The following IL1R1 variants were observed in gnomAD, a reference collection of about 807,000 sequenced individuals.
IL1R1 encodes the protein interleukin 1 receptor type 1, also known as interleukin-1 receptor type 1.
IL1R1 carries 22 observed loss-of-function variants against 50.2 expected under a neutral mutation model. The ratio of observed to expected loss-of-function variants is 0.44; its 90% confidence interval spans 0.31 to 0.63. The LOEUF (loss-of-function observed/expected upper bound fraction) is 0.63, where lower values mean the gene tolerates loss of function less well. Ranked by LOEUF, IL1R1 falls within the 20% of genes least tolerant of loss-of-function variation. The pLI is 0.07. For synonymous variants in IL1R1, 251 were observed against 236.7 expected, an observed-to-expected ratio of 1.06 and a Z score of -0.55; for missense variants, 509 against 676.2, an observed-to-expected ratio of 0.75 and a Z score of 2.74.
intron 1 of IL1R1, among the ~76,000 whole-genome samples, chr2:102,105,034 G>C (rs1680326767): frequency 6.6e-6 from 1 of 152,150 alleles, no homozygotes; most frequent in Non-Finnish European, 1.5e-5. Context: ...AGGATTTCTT[G>C]AAGTTATATG....
At chr2:102,161,525 C>T (rs1684725813) in intron 3 of IL1R1, among the ~76,000 whole-genome samples, 1 of 152,068 alleles carries the variant, frequency 6.6e-6, no homozygotes, top group Non-Finnish European at 1.5e-5. Context: ...TTCTATCGGT[C>T]CTTGTGAGTG....
At position 102,178,445 on chromosome 2, in the gene IL1R1, C is replaced by T. The variant is rs1228628401; in HGVS notation, c.*1686C>T. The T allele has an allele frequency of 6.6e-6, 1 of 152,072 alleles. No homozygotes were observed. Among genetic ancestry groups the T allele is most frequent in the Non-Finnish European group, 1.5e-5 (1 of 68,008 alleles). 9.4% of individuals were successfully genotyped at this position (152,072 alleles called of 1,614,324 possible). A position where few individuals can be genotyped will look rare whatever the true frequency, so the allele number is the denominator to read the frequency against. ...ATCTTATTTAATTTTTGCAATTATT[C>T]TAATTTTATATATAGAGAAAGTGAC... On this transcript the variant is annotated 3_prime_UTR_variant, in exon 12 of 12. Coordinates refer to ENST00000410023, the MANE Select transcript of IL1R1 (RefSeq NM_000877.4).
chr2:102,154,686 A>T (rs548650810), intron 2 of IL1R1, among the ~76,000 whole-genome samples: 2 of 152,236 alleles, frequency 1.3e-5, no homozygotes, highest in Admixed American at 1.3e-4. Context: ...CCCTGTCTCC[A>T]GTTTATGTTC....
chr2:102,094,816 CATAT>C (rs3047446), intron 1 of IL1R1, among the ~76,000 whole-genome samples: 1 of 151,846 alleles, frequency 6.6e-6, no homozygotes. Flanking sequence ...GAACAGGTTG[CATAT>C]ATATACACAC....
At chr2:102,097,016 T>G (rs1679934079) in intron 1 of IL1R1, among the ~76,000 whole-genome samples, 1 of 152,186 alleles carries the variant, frequency 6.6e-6, no homozygotes, top group Non-Finnish European at 1.5e-5. Flanking sequence ...CCATAAGTAT[T>G]TGTCAGGATA....
chr2:102,122,860 A>G (rs1268609940), intron 1 of IL1R1, among the ~76,000 whole-genome samples: 1 of 152,224 alleles, frequency 6.6e-6, no homozygotes, highest in African/African-American at 2.4e-5. Flanking sequence ...TCTATAACAC[A>G]TATGCATTAA....
chr2:102,168,118 G>A (rs1685359778), intron 6 of IL1R1, among the ~76,000 whole-genome samples: 1 of 152,102 alleles, frequency 6.6e-6, no homozygotes, highest in South Asian at 2.1e-4. Flanking sequence ...GGGGCTTCTT[G>A]ATACTTTTTT....
At chr2:102,087,966 C>A (rs1345112955) in intron 1 of IL1R1, among the ~76,000 whole-genome samples, 4 of 152,220 alleles carry the variant, frequency 2.6e-5, no homozygotes, top group Non-Finnish European at 5.9e-5. Context: ...GGTCATGAGA[C>A]TGCAGCAATT....
intron 1 of IL1R1, among the ~76,000 whole-genome samples, chr2:102,116,255 G>T (rs1681065856): frequency 6.6e-6 from 1 of 152,138 alleles, no homozygotes; most frequent in Non-Finnish European, 1.5e-5. Flanking sequence ...AAGTTTAAGG[G>T]CTTTTCTTGT....
Position 102,170,138 on chromosome 2 carries a change from A to C in IL1R1, c.721+1475A>C, listed in dbSNP as rs1006328032. 2.6e-5 allele frequency among the ~76,000 whole-genome samples: 4 copies of C among 152,260 alleles called. No homozygotes were observed. In the East Asian group the frequency reaches 7.7e-4, roughly 29 times the overall value. ...AATTATTTTAATGTATTATATTGACAGTGGATCAGAAGCATATAGTACCCT... is the reference window on the plus strand; with the variant it reads ...AATTATTTTAATGTATTATATTGACCGTGGATCAGAAGCATATAGTACCCT... On this transcript the variant is annotated intron_variant, in intron 7 of 11. Coordinates refer to ENST00000410023, the MANE Select transcript of IL1R1 (RefSeq NM_000877.4).
intron 1 of IL1R1, among the ~76,000 whole-genome samples, chr2:102,135,920 C>G (rs1419053215): frequency 6.6e-6 from 1 of 152,066 alleles, no homozygotes; most frequent in African/African-American, 2.4e-5. Flanking sequence ...TTTCCAGAGG[C>G]TACATGAATT....
At chr2:102,103,624 C>G (rs1024619301), upstream of IL1R1, among the ~76,000 whole-genome samples, 1 of 152,002 alleles carries the variant, frequency 6.6e-6, no homozygotes. Flanking sequence ...TTTTGAGTAG[C>G]GTTGTGATAG....
chr2:102,134,676 C>A (rs1321242064), intron 1 of IL1R1, among the ~76,000 whole-genome samples: 1 of 152,144 alleles, frequency 6.6e-6, no homozygotes, highest in Non-Finnish European at 1.5e-5. Flanking sequence ...CCATGCCCGG[C>A]CTGCATCACT....
At chr2:102,072,838 CT>C (rs1678791416) in intron 1 of IL1R1, among the ~76,000 whole-genome samples, 1 of 152,024 alleles carries the variant, frequency 6.6e-6, no homozygotes, top group Admixed American at 6.5e-5. Context: ...AGAAATTTTC[CT>C]TTACCATTTC....
chr2:102,168,832 T>C (rs901850291), intron 7 of IL1R1, among the ~76,000 whole-genome samples, 169 bp downstream of exon 7: 2 of 152,174 alleles, frequency 1.3e-5, no homozygotes, highest in African/African-American at 4.8e-5. Context: ...ATTTCTTGCC[T>C]CTATGGCAAA....
intron 1 of IL1R1, among the ~76,000 whole-genome samples, chr2:102,097,390 ACCTCTTTCTGTTT>A (rs1399183100): frequency 6.6e-6 from 1 of 152,028 alleles, no homozygotes; most frequent in East Asian, 1.9e-4. Context: ...CTAAGTGTGG[ACCTCTTTCTGTTT>A]CCTCTATTCT....
At chr2:102,170,430 A>G (rs917327272) in intron 7 of IL1R1, among the ~76,000 whole-genome samples, 2 of 152,240 alleles carry the variant, frequency 1.3e-5, no homozygotes, top group African/African-American at 2.4e-5. Flanking sequence ...GAAAAAAACA[A>G]GGTATGCTTA....
chr2:102,123,932 A>G (rs1004509246), intron 1 of IL1R1, among the ~76,000 whole-genome samples: 6 of 152,250 alleles, frequency 3.9e-5, no homozygotes, highest in African/African-American at 2.4e-5. Flanking sequence ...GATGGTGAAC[A>G]AGAGGGAGAA....
At chr2:102,148,089 TG>T (rs966973327) in intron 1 of IL1R1, among the ~76,000 whole-genome samples, 5 of 152,294 alleles carry the variant, frequency 3.3e-5, no homozygotes, top group African/African-American at 9.6e-5. Context: ...GCTGTTTCTC[TG>T]GGGGAAAATC....
Sources: gnomAD v4.1 joint callset for allele counts (sites outside exome capture counted in the v4.1 genomes callset) on GRCh38, gnomAD v4.1.1 for gene constraint, MANE v1.5 for transcripts, NCBI Gene and HGNC (gene_info 2026-07-23, HGNC 2026-07-21) for gene names.